The following C13orf42 variants were observed in gnomAD, a reference collection of about 807,000 sequenced individuals.
C13orf42 encodes uncharacterized protein C13orf42.
At chr13:51,172,323 T>G (rs1448560009) in exon 1 of C13orf42, 1 of 152,022 alleles carries the variant, frequency 6.6e-6, no homozygotes, top group African/African-American at 2.4e-5. Flanking sequence ...CCAGATCTTC[T>G]CGGCTTAGCG....
At chr13:51,125,107 A>G (rs552310648) in intron 1 of C13orf42, among the ~76,000 whole-genome samples, 2 of 152,312 alleles carry the variant, frequency 1.3e-5, no homozygotes, top group East Asian at 3.9e-4. Context: ...AGTACCTGCT[A>G]GCAGCCTGCC....
upstream of C13orf42, among the ~76,000 whole-genome samples, chr13:51,114,318 C>T (rs561955182): frequency 2.0e-5 from 3 of 152,196 alleles, no homozygotes; most frequent in Admixed American, 2.0e-4. Flanking sequence ...AAACTAGATA[C>T]CACCTATTTC....
chr13:51,108,516 T>C (rs1953387996), intron 1 of C13orf42, among the ~76,000 whole-genome samples: 2 of 152,290 alleles, frequency 1.3e-5, no homozygotes, highest in South Asian at 2.1e-4. Flanking sequence ...AGGCCCAGCA[T>C]ACAGCTGTTT....
intron 1 of C13orf42, among the ~76,000 whole-genome samples, chr13:51,125,038 T>C (rs1376581285): frequency 6.6e-6 from 1 of 152,232 alleles, no homozygotes; most frequent in African/African-American, 2.4e-5. Context: ...CTAGTGTTTT[T>C]CTTCTCAAGT....
chr13:51,098,808 T>C (rs1051121677), intron 1 of C13orf42, among the ~76,000 whole-genome samples: 1 of 151,898 alleles, frequency 6.6e-6, no homozygotes, highest in African/African-American at 2.4e-5. Context: ...ATTGTCTTTA[T>C]GTATGAACAT....
intron 1 of C13orf42, among the ~76,000 whole-genome samples, chr13:51,158,758 G>T (rs1360127264): frequency 5.9e-5 from 9 of 152,198 alleles, no homozygotes; most frequent in Non-Finnish European, 8.8e-5. Context: ...ATTTCTGGGG[G>T]TTTTCCACCC....
At chr13:51,092,013 T>C (rs1375534625) in intron 1 of C13orf42, among the ~76,000 whole-genome samples, 1 of 152,174 alleles carries the variant, frequency 6.6e-6, no homozygotes, top group African/African-American at 2.4e-5. Context: ...CTCTCTCCTA[T>C]TGGCCCAAAG....
At chr13:51,152,096 TACTC>T (rs1434778030) in intron 1 of C13orf42, among the ~76,000 whole-genome samples, 1 of 152,160 alleles carries the variant, frequency 6.6e-6, no homozygotes. Flanking sequence ...AATATTCTCA[TACTC>T]ACCACAGTGT....
At position 51,084,054 on chromosome 13, in the gene C13orf42, T is replaced by C. The variant is rs541403696; in HGVS notation, c.*97A>G. 8 of 397,240 alleles carry C rather than the reference T, an allele frequency of 2.0e-5. No homozygotes were observed. The highest frequency in any genetic ancestry group is 1.2e-4 in the African/African-American group (6 of 48,736). The allele number at this position is 397,240 out of a possible 1,614,324, so 24.6% of individuals were successfully genotyped here. A position where few individuals can be genotyped will look rare whatever the true frequency, so the allele number is the denominator to read the frequency against. On this transcript the variant is annotated 3_prime_UTR_variant, in exon 4 of 4. Transcript: ENST00000563710. ...GCTGAGTGGGTTGACTGTGTTACAA[T>C]TGGCATTTTCAACTCTACCAAATAC...
At position 51,125,324 on chromosome 13, in the gene C13orf42, G is replaced by A. The variant is rs142610483; in HGVS notation, n.137-12102C>T. ...TAGTTTGCCCCTTTCAGCAAAGCAT[G>A]TTATTTTCTTCTTCTTGGAAGGAAC... On this transcript the variant is annotated intron_variant and non_coding_transcript_variant, in intron 1 of 4. Transcript: ENST00000433280. Among the ~76,000 whole-genome samples the A allele has an allele frequency of 2.8e-4, 42 of 152,298 alleles. No homozygotes were observed. The East Asian group carries it at 7.9e-3, about 29-fold the overall frequency.
At chr13:51,166,499 C>T (rs993916094) in intron 1 of C13orf42, among the ~76,000 whole-genome samples, 24 of 143,552 alleles carry the variant, frequency 1.7e-4, no homozygotes, top group East Asian at 4.0e-4. Context: ...TGCTAGATGA[C>T]GAGTTAGTGG....
chr13:51,170,649 T>TG (rs199817787), intron 1 of C13orf42, among the ~76,000 whole-genome samples: 152,179 of 152,186 alleles, frequency 1, 76,086 homozygotes, highest in Middle Eastern at 1. Context: ...GGTCACGGGC[T>TG]GGGAAGGCAG....
intron 1 of C13orf42, among the ~76,000 whole-genome samples, chr13:51,131,777 T>TA (rs1435892368): frequency 2.6e-5 from 4 of 152,256 alleles, no homozygotes; most frequent in African/African-American, 9.6e-5. Context: ...GATTTGTCTT[T>TA]AGTGAAAAAT....
At chr13:51,115,190 A>G (rs957467726), upstream of C13orf42, among the ~76,000 whole-genome samples, 3 of 152,232 alleles carry the variant, frequency 2.0e-5, no homozygotes, top group Admixed American at 6.5e-5. Flanking sequence ...TCCAATTATA[A>G]TTCAAGGGGC....
At chr13:51,102,877 A>G (rs1190319034) in intron 1 of C13orf42, among the ~76,000 whole-genome samples, 2 of 152,176 alleles carry the variant, frequency 1.3e-5, no homozygotes, top group South Asian at 2.1e-4. Flanking sequence ...CGGTGTCAGG[A>G]AAGAGAAGAG....
chr13:51,084,394 C>T (rs913530936), intron 3 of C13orf42, 69 bp from the exon 4 acceptor site: 1 of 397,884 alleles, frequency 2.5e-6, no homozygotes. Context: ...AAGGGATGCT[C>T]AATGACCACC....
intron 1 of C13orf42, among the ~76,000 whole-genome samples, chr13:51,106,322 G>A (rs997653958): frequency 6.6e-6 from 1 of 152,192 alleles, no homozygotes; most frequent in African/African-American, 2.4e-5. Context: ...CGTGCAGTAT[G>A]ACGCAGCTGC....
intron 1 of C13orf42, among the ~76,000 whole-genome samples, chr13:51,171,786 A>T (rs1261707140): frequency 8.5e-5 from 13 of 152,076 alleles, no homozygotes; most frequent in African/African-American, 1.9e-4. Context: ...GCTCTTTTTC[A>T]TCAAATATAA....
chr13:51,171,997 G>GTA (rs913390642), intron 1 of C13orf42: 2 of 152,158 alleles, frequency 1.3e-5, no homozygotes, highest in African/African-American at 4.8e-5. Context: ...CCTTCAAGGT[G>GTA]TACCATAATA....
Sources: allele counts gnomAD v4.1 joint callset (sites outside exome capture counted in the v4.1 genomes callset), GRCh38; gene constraint gnomAD v4.1.1; transcripts MANE v1.5; gene names NCBI Gene and HGNC (gene_info 2026-07-23, HGNC 2026-07-21).